The following EXOC2 variants were observed in gnomAD, a reference collection of about 807,000 sequenced individuals.
The protein encoded by EXOC2 is SEC5-like 1.
In EXOC2, 70 loss-of-function variants were observed where a neutral mutation model predicts 131.8. That is an observed-to-expected ratio of 0.53 (90% CI 0.44 to 0.65). The LOEUF is 0.65. Ranked by LOEUF, EXOC2 falls within the 30% of genes least tolerant of loss-of-function variation. The probability of loss-of-function intolerance (pLI) is 0.00; values close to 1 mark genes in which losing one functional copy is unlikely to be tolerated. For synonymous variants in EXOC2, 411 were observed against 398.4 expected (o/e 1.03, Z -0.38); for missense variants, 923 against 1,108.6 (o/e 0.83, Z 2.38).
intron 6 of EXOC2, among the ~76,000 whole-genome samples, chr6:617,401 G>C (rs765246415): frequency 3.9e-5 from 6 of 152,240 alleles, no homozygotes; most frequent in Non-Finnish European, 7.3e-5. Context: ...AGTCACATAT[G>C]TAAGATATTG....
At chr6:683,356 C>T (rs1764499484) in intron 1 of EXOC2, among the ~76,000 whole-genome samples, 1 of 152,112 alleles carries the variant, frequency 6.6e-6, no homozygotes, top group Non-Finnish European at 1.5e-5. Context: ...GAGAGAGGAA[C>T]AAAATCAAGA....
intron 22 of EXOC2, among the ~76,000 whole-genome samples, chr6:537,536 T>A (rs982790518): frequency 6.6e-6 from 1 of 152,162 alleles, no homozygotes. Context: ...GAGTGTACAC[T>A]CTGGAAAACT....
chr6:500,223 T>C (rs1419985323), intron 23 of EXOC2, among the ~76,000 whole-genome samples: 1 of 152,222 alleles, frequency 6.6e-6, no homozygotes, highest in East Asian at 1.9e-4. Context: ...AGTCAAGTTA[T>C]TGAGCAGAAG....
intron 4 of EXOC2, among the ~76,000 whole-genome samples, chr6:623,501 T>C (rs1300018021): frequency 6.6e-6 from 1 of 152,192 alleles, no homozygotes; most frequent in Non-Finnish European, 1.5e-5. Flanking sequence ...CAGACATTAT[T>C]TTCAAGATGG....
intron 1 of EXOC2, among the ~76,000 whole-genome samples, chr6:681,730 G>T (rs1489460889): frequency 6.6e-6 from 1 of 152,128 alleles, no homozygotes; most frequent in African/African-American, 2.4e-5. Flanking sequence ...GCAAATAAAG[G>T]TAGTAATCTT....
At chr6:487,163 T>G (rs752142247) in intron 27 of EXOC2, among the ~76,000 whole-genome samples, 10 of 152,190 alleles carry the variant, frequency 6.6e-5, no homozygotes, top group Non-Finnish European at 1.3e-4. Context: ...CTACAGCACG[T>G]GGCATGGCTG....
At position 632,964 on chromosome 6, in the gene EXOC2, T is replaced by C. The variant is rs1561950015; in HGVS notation, c.272A>G (p.Lys91Arg). The change falls in exon 3 of 28, where the codon AAG (lysine) becomes AGG (arginine). Residue 91 changes from lysine (K) to arginine (R), a missense_variant. Coordinates refer to ENST00000230449, the MANE Select transcript of EXOC2 (RefSeq NM_018303.6). ...GGRGTSTVSFKLLKPEKIGIL... is the reference protein window; with the variant it reads ...GGRGTSTVSFRLLKPEKIGIL... ...ACCTATTTTCTCAGGTTTGAGTAGCTTGAAAGAGACTGTTGAGGTTCCTCT... is the reference window on the plus strand; with the variant it reads ...ACCTATTTTCTCAGGTTTGAGTAGCCTGAAAGAGACTGTTGAGGTTCCTCT... 1 of 1,613,724 alleles carries C rather than the reference T, an allele frequency of 6.2e-7. No individual in the cohort carries two copies. The highest frequency in any genetic ancestry group is 2.2e-5 in the East Asian group (1 of 44,878).
chr6:495,654 C>T (rs369942605), intron 25 of EXOC2, among the ~76,000 whole-genome samples: 11 of 152,148 alleles, frequency 7.2e-5, no homozygotes, highest in South Asian at 2.1e-4. Flanking sequence ...TCCTCGATGA[C>T]GTGTGAGAGC....
At chr6:577,209 A>G (rs1456027762) in intron 11 of EXOC2, among the ~76,000 whole-genome samples, 1 of 152,184 alleles carries the variant, frequency 6.6e-6, no homozygotes, top group Admixed American at 6.5e-5. Context: ...GCTGACTTAC[A>G]CATTTTTGTA....
chr6:562,713 C>A, intron 17 of EXOC2, 71 bp downstream of exon 17: 1 of 1,061,604 alleles, frequency 9.4e-7, no homozygotes, highest in East Asian at 2.7e-5. Context: ...CACATGCTCC[C>A]TATTAATATG....
At chr6:583,429 C>T (rs758962650) in intron 11 of EXOC2, among the ~76,000 whole-genome samples, 2 of 151,974 alleles carry the variant, frequency 1.3e-5, no homozygotes, top group Non-Finnish European at 2.9e-5. Flanking sequence ...CCTTTTTGGC[C>T]TGTGTGATCT....
chr6:550,066 C>T (rs762993427), intron 21 of EXOC2, among the ~76,000 whole-genome samples: 12 of 152,238 alleles, frequency 7.9e-5, no homozygotes, highest in Admixed American at 3.9e-4. Flanking sequence ...CCAGGAATTG[C>T]CCTTTTGCTG....
intron 10 of EXOC2, among the ~76,000 whole-genome samples, 176 bp from the exon 11 acceptor site, chr6:592,763 T>C (rs186794349): frequency 3.3e-4 from 51 of 152,290 alleles, no homozygotes; most frequent in Middle Eastern, 6.8e-3. Flanking sequence ...AGATGGCTCC[T>C]GCCTGTAATC....
rs1204081279 is a variant in EXOC2, at chr6:666,516, T to C, written c.-44+26503A>G. Among the ~76,000 whole-genome samples, 4 of 97,564 alleles carry C rather than the reference T, an allele frequency of 4.1e-5. 1 individual carries two copies. Among genetic ancestry groups the C allele is most frequent in the East Asian group, 1.1e-3 (2 of 1,812 alleles). The allele number at this position is 97,564 out of a possible 152,430, so 64.0% of individuals were successfully genotyped here. On this transcript the variant is annotated intron_variant, in intron 1 of 27. Coordinates refer to ENST00000230449, the MANE Select transcript of EXOC2 (RefSeq NM_018303.6). ...TGGGAAACTTGGTGCTTTACTGTTT[T>C]GTTTTGGCACTTTACAACTTTTTTT...
At chr6:541,691 A>T (rs573487194) in intron 22 of EXOC2, among the ~76,000 whole-genome samples, 32 of 152,378 alleles carry the variant, frequency 2.1e-4, no homozygotes, top group African/African-American at 7.5e-4. Flanking sequence ...AAATTTAAGC[A>T]AAATGGGCAA....
chr6:552,242 C>T (rs964394567), intron 21 of EXOC2, among the ~76,000 whole-genome samples: 1 of 152,240 alleles, frequency 6.6e-6, no homozygotes, highest in African/African-American at 2.4e-5. Context: ...GCCGACATAC[C>T]TAGGCAGGAC....
chr6:578,502 G>A (rs1758710041), intron 11 of EXOC2, among the ~76,000 whole-genome samples: 1 of 152,184 alleles, frequency 6.6e-6, no homozygotes, highest in African/African-American at 2.4e-5. Flanking sequence ...GAAAAGGCTT[G>A]ATCTGACTGA....
intron 22 of EXOC2, among the ~76,000 whole-genome samples, chr6:545,352 A>G (rs1274667822): frequency 2.0e-5 from 3 of 152,192 alleles, no homozygotes; most frequent in Non-Finnish European, 1.5e-5. Context: ...TATACCTACC[A>G]CAATAAAATT....
chr6:547,509 C>T (rs373722365), intron 22 of EXOC2, among the ~76,000 whole-genome samples: 4 of 152,140 alleles, frequency 2.6e-5, no homozygotes, highest in Admixed American at 6.5e-5. Flanking sequence ...CTTCTGGGAT[C>T]GATGCCCCTA....
Sources: gnomAD v4.1 joint callset for allele counts (sites outside exome capture counted in the v4.1 genomes callset) on GRCh38, gnomAD v4.1.1 for gene constraint, MANE v1.5 for transcripts, NCBI Gene and HGNC (gene_info 2026-07-23, HGNC 2026-07-21) for gene names.